The following NUDT5 variants were observed in gnomAD, a reference collection of about 807,000 sequenced individuals.
NUDT5 encodes the protein nudix hydrolase 5, also known as ADP-sugar pyrophosphatase.
In NUDT5, 21 loss-of-function variants were observed where a neutral mutation model predicts 34.1. The observed-to-expected ratio is 0.62, with a 90% CI of 0.44 to 0.89. NUDT5 has a LOEUF of 0.89. Among genes scored for constraint, NUDT5 ranks in the 40% least tolerant of loss-of-function variants. The probability of loss-of-function intolerance (pLI) is 0.00; values close to 1 mark genes in which losing one functional copy is unlikely to be tolerated. For missense variants in NUDT5, 249 were observed against 274.8 expected (o/e 0.91, Z 0.66); for synonymous variants, 85 against 97.6 (o/e 0.87, Z 0.76).
Position 12,168,027 on chromosome 10 carries a change from A to ATTTTT in NUDT5, c.551-221_551-217dup. 1.6e-6 allele frequency: 1 copy of ATTTTT among 615,710 alleles called. No individual in the cohort carries two copies. The highest frequency in any genetic ancestry group is 2.3e-6 in the Non-Finnish European group (1 of 442,014). The allele number at this position is 615,710 out of a possible 1,614,324, so 38.1% of individuals were successfully genotyped here. On this transcript the variant is annotated intron_variant, in intron 9 of 9. Coordinates refer to ENST00000491614, the MANE Select transcript of NUDT5 (RefSeq NM_014142.4). This position sits in a 1 kb window ranked among gnomAD's most constrained non-coding sequence, Gnocchi z 4.8. Reference sequence around the variant, plus strand: ...TGAGACAAGAACATCAGGGATAATGATTTTTTTTTTTTTTGGTGAGACAGT... The same window carrying ATTTTT: ...TGAGACAAGAACATCAGGGATAATGATTTTTTTTTTTTTTTTTTTGGTGAGACAGT...
At chr10:12,193,933 G>A (rs1181544057) in intron 1 of NUDT5, among the ~76,000 whole-genome samples, 1 of 151,472 alleles carries the variant, frequency 6.6e-6, no homozygotes, top group Non-Finnish European at 1.5e-5. Context: ...CTGGAGTGCA[G>A]TGGCGCGATC....
chr10:12,172,838 G>A lies in NUDT5; in HGVS notation c.414C>T (p.Asn138=). The change falls in exon 7 of 10, where the codon AAC becomes AAT. Residue 138 remains asparagine, a synonymous_variant. Transcript: ENST00000491614. ...TGACTGTCACGATGTGTATAGTACA[G>A]TTTGACAAGCCTGGGTCCATACAGA... ...PAVCMDPGLS[N]CTIHIVTVTI... 1 of 1,613,902 alleles carries A rather than the reference G, an allele frequency of 6.2e-7. No homozygotes were observed. The highest frequency in any genetic ancestry group is 1.1e-5 in the South Asian group (1 of 91,024).
In NUDT5 at chr10:12,170,897, T is replaced by C. The variant is rs773890029; in HGVS notation, c.496+3A>G. The C allele has an allele frequency of 6.2e-7, 1 of 1,613,842 alleles. No homozygotes were observed. The highest frequency in any genetic ancestry group is 8.5e-7 in the Non-Finnish European group (1 of 1,179,882). ...CTCGGCCACCAGGAGTTGCAGAACA[T>C]ACCTCCATCCCCTGGAAATAAACAG... On this transcript the variant is annotated splice_donor_region_variant and intron_variant, in intron 8 of 9. Coordinates refer to ENST00000491614, the MANE Select transcript of NUDT5 (RefSeq NM_014142.4). The surrounding 1 kb of genome is among the most constrained non-coding windows in gnomAD (Gnocchi z 4.9).
Position 12,169,152 on chromosome 10 carries a change from T to C in NUDT5, c.551-1341A>G, listed in dbSNP as rs945721385. 1.6e-6 allele frequency: 1 copy of C among 642,654 alleles called. No individual in the cohort carries two copies. The highest frequency in any genetic ancestry group is 1.9e-5 in the African/African-American group (1 of 53,818). The allele number at this position is 642,654 out of a possible 1,614,324, so 39.8% of individuals were successfully genotyped here. ...CGGTTTGATTACTGTATTTTGATTC[T>C]GCTAAAGCTAGGCAACTTGGTTCTT... On this transcript the variant is annotated intron_variant, in intron 9 of 9. Transcript: ENST00000491614. This position sits in a 1 kb window ranked among gnomAD's most constrained non-coding sequence, Gnocchi z 4.8.
At chr10:12,179,038 T>G (rs369535999) in intron 4 of NUDT5, 45 bp downstream of exon 4, 100 of 1,523,514 alleles carry the variant, frequency 6.6e-5, no homozygotes, top group Non-Finnish European at 8.7e-5. Flanking sequence ...CGATCACAAG[T>G]GCTAACTTCC....
chr10:12,183,237 CTACT>C (rs1835072508), intron 3 of NUDT5, among the ~76,000 whole-genome samples: 1 of 152,166 alleles, frequency 6.6e-6, no homozygotes, highest in Non-Finnish European at 1.5e-5. Flanking sequence ...GGTTTGGGCC[CTACT>C]TATTTTGTAC....
At chr10:12,174,173 T>A (rs1834910163) in intron 5 of NUDT5, among the ~76,000 whole-genome samples, 1 of 151,714 alleles carries the variant, frequency 6.6e-6, no homozygotes. Flanking sequence ...GCTGAACCCC[T>A]CATTCTTGTA....
rs1449955231 is a variant in NUDT5 at position 12,172,762 on chromosome 10, T to C, written c.487+3A>G. 5 of 1,608,194 alleles carry C rather than the reference T, an allele frequency of 3.1e-6. No individual in the cohort carries two copies. The highest frequency in any genetic ancestry group is 4.3e-6 in the Non-Finnish European group (5 of 1,174,566). On this transcript the variant is annotated splice_donor_region_variant and intron_variant, in intron 7 of 9. Coordinates refer to ENST00000491614, the MANE Select transcript of NUDT5 (RefSeq NM_014142.4). ...ACCTTCATCACAGCCGACACACACA[T>C]ACCTGGCTTTGGCTTCGGCCTTGCG... is the stretch of plus-strand genomic sequence containing the variant.
chr10:12,167,168 G>T lies in NUDT5; in HGVS notation c.*534C>A, dbSNP rs1834720226. On this transcript the variant is annotated 3_prime_UTR_variant, in exon 10 of 10. Coordinates refer to ENST00000491614, the MANE Select transcript of NUDT5 (RefSeq NM_014142.4). ...ATAGATGAACTGAAAACTAGTAGAGGATTCTATCGAACCCTACCCTAGTTG... is the reference window on the plus strand; with the variant it reads ...ATAGATGAACTGAAAACTAGTAGAGTATTCTATCGAACCCTACCCTAGTTG... 6.3e-6 allele frequency: 1 copy of T among 159,070 alleles called. No individual in the cohort carries two copies. The highest frequency in any genetic ancestry group is 2.4e-5 in the African/African-American group (1 of 41,436). 9.9% of individuals were successfully genotyped at this position (159,070 alleles called of 1,614,324 possible). A position where few individuals can be genotyped will look rare whatever the true frequency, so the allele number is the denominator to read the frequency against.
rs1195459302 is a variant in NUDT5 at position 12,182,402 on chromosome 10, A to G, written c.131+2487T>C. On this transcript the variant is annotated intron_variant, in intron 3 of 9. Transcript: ENST00000491614. This position sits in a 1 kb window ranked among gnomAD's most constrained non-coding sequence, Gnocchi z 4.3. Reference sequence around the variant, plus strand: ...AGGTCAGAGATAACACATCCTATAAATTATACATCGTGGCATACAGGAAAG... The same window carrying G: ...AGGTCAGAGATAACACATCCTATAAGTTATACATCGTGGCATACAGGAAAG... Among the ~76,000 whole-genome samples the G allele has an allele frequency of 6.6e-6, 1 of 152,214 alleles. No homozygotes were observed. Among genetic ancestry groups the G allele is most frequent in the Middle Eastern group, 3.2e-3 (1 of 316 alleles).
intron 1 of NUDT5, among the ~76,000 whole-genome samples, chr10:12,194,271 C>T (rs1478870728): frequency 1.3e-5 from 2 of 152,266 alleles, no homozygotes. Flanking sequence ...TTCCTATCTT[C>T]ATTAGAAAAC....
chr10:12,194,422 T>G (rs966209331), intron 1 of NUDT5, among the ~76,000 whole-genome samples: 3 of 152,336 alleles, frequency 2.0e-5, no homozygotes, highest in East Asian at 3.9e-4. Flanking sequence ...TCCAGACATA[T>G]ATACAATATT....
intron 1 of NUDT5, among the ~76,000 whole-genome samples, chr10:12,192,729 T>C (rs542085990): frequency 2.0e-5 from 3 of 152,162 alleles, no homozygotes; most frequent in African/African-American, 7.2e-5. Context: ...CACACGCCAG[T>C]AGTCCCAGCT....
At chr10:12,188,661 A>G (rs1835167591) in intron 1 of NUDT5, among the ~76,000 whole-genome samples, 1 of 140,572 alleles carries the variant, frequency 7.1e-6, no homozygotes, top group Non-Finnish European at 1.5e-5. Flanking sequence ...AACCCAGGAG[A>G]TGGAGGTTGC....
In NUDT5 at chr10:12,182,502, C is replaced by T. The variant is rs1835058473; in HGVS notation, c.131+2387G>A. Among the ~76,000 whole-genome samples the T allele has an allele frequency of 6.6e-6, 1 of 151,998 alleles. No individual in the cohort carries two copies. Among genetic ancestry groups the T allele is most frequent in the South Asian group, 2.1e-4 (1 of 4,820 alleles). ...GCTTTACATAAATCCTCTTCAGAGG[C>T]CAGGAAAAAAACCCTATGTATGGAA... On this transcript the variant is annotated intron_variant, in intron 3 of 9. Transcript: ENST00000491614. This position sits in a 1 kb window ranked among gnomAD's most constrained non-coding sequence, Gnocchi z 4.3.
rs1293971307 is a variant in NUDT5, at chr10:12,175,333, A to T, written c.290-1520T>A. Reference sequence around the variant, plus strand: ...GAAACTGCATCTCAAAAAATAAATAAATAAAATAAAATAAAATAATGAAAA... The same window carrying T: ...GAAACTGCATCTCAAAAAATAAATATATAAAATAAAATAAAATAATGAAAA... On this transcript the variant is annotated intron_variant, in intron 5 of 9. Transcript: ENST00000491614. This position sits in a 1 kb window ranked among gnomAD's most constrained non-coding sequence, Gnocchi z 4.8. 6.6e-6 allele frequency among the ~76,000 whole-genome samples: 1 copy of T among 151,450 alleles called. No individual in the cohort carries two copies. The highest frequency in any genetic ancestry group is 1.9e-4 in the East Asian group (1 of 5,146).
intron 1 of NUDT5, 27 bp from the exon 2 acceptor site, chr10:12,186,359 C>A: frequency 8.2e-7 from 1 of 1,214,176 alleles, no homozygotes; most frequent in Admixed American, 1.8e-5. Context: ...TTTGTTCAGG[C>A]TAAAATTATT....
In NUDT5 at chr10:12,168,247, A is replaced by T. The variant is rs1834757534; in HGVS notation, c.551-436T>A. ...TGCCATGTTGGCCAGGATGGTTTCGATCTCCTGACCTCGTGATCCACCCGC... is the reference window on the plus strand; with the variant it reads ...TGCCATGTTGGCCAGGATGGTTTCGTTCTCCTGACCTCGTGATCCACCCGC... On this transcript the variant is annotated intron_variant, in intron 9 of 9. Transcript: ENST00000491614. This position sits in a 1 kb window ranked among gnomAD's most constrained non-coding sequence, Gnocchi z 4.8. Among the ~76,000 whole-genome samples the T allele has an allele frequency of 1.3e-5, 2 of 151,970 alleles. No individual in the cohort carries two copies. Among genetic ancestry groups the T allele is most frequent in the South Asian group, 4.2e-4 (2 of 4,818 alleles).
At position 12,173,846 on chromosome 10, in the gene NUDT5, G is replaced by A. The variant is rs765921145; in HGVS notation, c.290-33C>T. On this transcript the variant is annotated intron_variant, in intron 5 of 9. Transcript: ENST00000491614. The surrounding 1 kb of genome is among the most constrained non-coding windows in gnomAD (Gnocchi z 4.7). ...TCCAAATCATTGGTGTGATGGGAGC[G>A]GGAAATCCGGTTCTTTAAACCCTCC... 30 of 1,490,228 alleles carry A rather than the reference G, an allele frequency of 2.0e-5. No homozygotes were observed. The South Asian group carries it at 2.3e-4, about 11-fold the overall frequency. The allele number at this position is 1,490,228 out of a possible 1,614,324, so 92.3% of individuals were successfully genotyped here. A position where few individuals can be genotyped will look rare whatever the true frequency, so the allele number is the denominator to read the frequency against.
Sources: gnomAD v4.1 joint callset for allele counts (sites outside exome capture counted in the v4.1 genomes callset) on GRCh38, gnomAD v4.1.1 for gene constraint, Gnocchi (gnomAD v3.1) non-coding constraint, MANE v1.5 for transcripts, NCBI Gene and HGNC (gene_info 2026-07-23, HGNC 2026-07-21) for gene names.